BLOC1S3: variants seen among roughly 807,000 people sequenced by gnomAD.
The protein encoded by BLOC1S3 is biogenesis of lysosomal organelles complex 1 subunit 3.
Under a neutral mutation model 9.1 loss-of-function variants are expected in BLOC1S3, and 7 were observed. The ratio of observed to expected loss-of-function variants is 0.77; its 90% CI spans 0.44 to 1.45. BLOC1S3 has a LOEUF of 1.45. Ranked by LOEUF, BLOC1S3 falls within the 40% of genes most tolerant of loss-of-function variation. The probability of loss-of-function intolerance (pLI) is 0.01; values close to 1 mark genes in which losing one functional copy is unlikely to be tolerated. For synonymous variants in BLOC1S3, 145 were observed against 158.4 expected, an observed-to-expected ratio of 0.92 and a Z score of 0.64; for missense variants, 307 against 315.2, an observed-to-expected ratio of 0.97 and a Z score of 0.20.
Position 45,179,501 on chromosome 19 carries a change from C to G in BLOC1S3, c.205C>G (p.Pro69Ala). 1 of 1,523,626 alleles carries G rather than the reference C, an allele frequency of 6.6e-7. No homozygotes were observed. The highest frequency in any genetic ancestry group is 1.2e-5 in the South Asian group (1 of 82,774). The allele number at this position is 1,523,626 out of a possible 1,614,324, so 94.4% of individuals were successfully genotyped here. A position where few individuals can be genotyped will look rare whatever the true frequency, so the allele number is the denominator to read the frequency against. The change falls in exon 2 of 2, where the codon CCG (proline) becomes GCG (alanine). Residue 69 changes from proline (P) to alanine (A), a missense_variant. By Grantham distance (27) the Pro-to-Ala change is conservative. Coordinates refer to ENST00000433642, the MANE Select transcript of BLOC1S3 (RefSeq NM_212550.5). This position sits in a 1 kb window ranked among gnomAD's most constrained non-coding sequence, Gnocchi z 4.6. ...EAAETDSEPE[P>A]EPEPTAAPRD... The stretch of plus-strand genomic sequence containing the variant: ...CGCGGAGACCGACTCGGAGCCGGAG[C>G]CGGAGCCGGAACCGACGGCCGCGCC...
At chr19:45,201,933 G>A (rs2627646) in intron 2 of BLOC1S3, among the ~76,000 whole-genome samples, 17,036 of 152,018 alleles carry the variant, frequency 0.11, 1,224 homozygotes, top group African/African-American at 0.2. Context: ...CATGTAAGAC[G>A]TGCCTTTTGG....
chr19:45,213,427 A>G, intron 3 of BLOC1S3: 1 of 1,555,302 alleles, frequency 6.4e-7, no homozygotes. Flanking sequence ...CCAGCCGTGG[A>G]CCCCACCTGA....
intron 3 of BLOC1S3, chr19:45,216,016 G>A: frequency 6.3e-7 from 1 of 1,599,746 alleles, no homozygotes; most frequent in South Asian, 1.1e-5. Flanking sequence ...GGATGCCAAG[G>A]CCGCCAGGAG....
At chr19:45,202,013 G>T (rs1299979279) in intron 2 of BLOC1S3, among the ~76,000 whole-genome samples, 1 of 151,850 alleles carries the variant, frequency 6.6e-6, no homozygotes, top group African/African-American at 2.4e-5. Flanking sequence ...CATGAGGTCA[G>T]GAGATCGAGA....
chr19:45,214,261 C>T (rs1189648364), intron 3 of BLOC1S3, among the ~76,000 whole-genome samples: 2 of 152,120 alleles, frequency 1.3e-5, no homozygotes. Context: ...ACCCTCAGTG[C>T]TGAAACTGAA....
In BLOC1S3 at chr19:45,180,575, G is replaced by T; in HGVS notation, c.*670G>T. 6.0e-6 allele frequency: 1 copy of T among 166,984 alleles called. No individual in the cohort carries two copies. The highest frequency in any genetic ancestry group is 2.1e-4 in the South Asian group (1 of 4,862). The allele number at this position is 166,984 out of a possible 1,614,324, so 10.3% of individuals were successfully genotyped here. ...ACACTGGGCTCTGCTCTGCCTTTCT[G>T]AGTTTGGTTTCTGCTTATGGTGGGG... On this transcript the variant is annotated 3_prime_UTR_variant, in exon 2 of 2. Transcript: ENST00000433642.
intron 2 of BLOC1S3, chr19:45,187,760 A>G (rs556881950): frequency 1.3e-5 from 2 of 152,228 alleles, no homozygotes; most frequent in African/African-American, 4.8e-5. Flanking sequence ...TCACTTGGGT[A>G]CCTGTGGGGG....
intron 2 of BLOC1S3, among the ~76,000 whole-genome samples, chr19:45,197,087 G>A (rs1044895941): frequency 4.6e-5 from 7 of 151,676 alleles, no homozygotes; most frequent in Non-Finnish European, 8.8e-5. Flanking sequence ...TGGGAGTGGA[G>A]GGGGCTGAGG....
chr19:45,204,357 A>T (rs1388028284), intron 3 of BLOC1S3, among the ~76,000 whole-genome samples: 1 of 150,754 alleles, frequency 6.6e-6, no homozygotes, highest in Non-Finnish European at 1.5e-5. Flanking sequence ...GCCCCAGCTA[A>T]TTTTTTTGTA....
intron 2 of BLOC1S3, chr19:45,199,118 A>T (rs1969670573): frequency 6.6e-6 from 1 of 152,062 alleles, no homozygotes; most frequent in African/African-American, 2.4e-5. Flanking sequence ...CTTTGGGTTA[A>T]ATCTGCCTAG....
intron 2 of BLOC1S3, among the ~76,000 whole-genome samples, chr19:45,192,379 C>T (rs554706013): frequency 7.2e-5 from 11 of 152,290 alleles, no homozygotes; most frequent in Non-Finnish European, 1.2e-4. Context: ...GGCCTGGAAT[C>T]AGGGACCCCC....
At chr19:45,205,269 A>G in intron 3 of BLOC1S3, among the ~76,000 whole-genome samples, 1 of 151,598 alleles carries the variant, frequency 6.6e-6, no homozygotes, top group Non-Finnish European at 1.5e-5. Context: ...GGGTTCAAGC[A>G]ATTCTCCTGC....
At position 45,196,898 on chromosome 19, in the gene BLOC1S3, C is replaced by A. The variant is rs1397011602; in HGVS notation, n.181-5508C>A. Reference sequence around the variant, plus strand: ...CCTGGGCAACAGAGCAAGACTGTCTCAAAAAAAAAAAAAATCAATTTTAGG... The same window carrying A: ...CCTGGGCAACAGAGCAAGACTGTCTAAAAAAAAAAAAAAATCAATTTTAGG... On this transcript the variant is annotated intron_variant and non_coding_transcript_variant, in intron 2 of 3. Coordinates refer to the BLOC1S3 transcript ENST00000591569. 5.5e-4 allele frequency among the ~76,000 whole-genome samples: 76 copies of A among 136,970 alleles called. 1 individual carries two copies. The highest frequency in any genetic ancestry group is 6.1e-4 in the Non-Finnish European group (39 of 63,580). The allele number at this position is 136,970 out of a possible 152,430, so 89.9% of individuals were successfully genotyped here.
chr19:45,209,935 T>C (rs1969755716), intron 3 of BLOC1S3, among the ~76,000 whole-genome samples: 1 of 151,772 alleles, frequency 6.6e-6, no homozygotes, highest in Non-Finnish European at 1.5e-5. Flanking sequence ...TTTCACTGTG[T>C]TAGCCAGGAT....
intron 3 of BLOC1S3, among the ~76,000 whole-genome samples, chr19:45,203,433 C>T (rs1009758519): frequency 6.6e-6 from 1 of 152,074 alleles, no homozygotes; most frequent in Non-Finnish European, 1.5e-5. Flanking sequence ...GCCACCATTC[C>T]CAGCTAATTT....
intron 2 of BLOC1S3, among the ~76,000 whole-genome samples, chr19:45,193,797 TTTG>T (rs1002662287): frequency 1.1e-5 from 1 of 91,484 alleles, no homozygotes; most frequent in African/African-American, 4.2e-5. Flanking sequence ...CTGTTTTTTT[TTTG>T]TTGTTGTTGT....
intron 2 of BLOC1S3, among the ~76,000 whole-genome samples, chr19:45,199,309 CTTTTTTTTTTTTTTTTTT>C (rs34967306): frequency 0.15 from 11,469 of 74,302 alleles, 940 homozygotes; most frequent in Middle Eastern, 0.24. Context: ...GTGCCTTATT[CTTTTTTTTTTTTTTTTTT>C]TTTTTTTGAG....
chr19:45,188,682 C>T (rs955238165), intron 2 of BLOC1S3, among the ~76,000 whole-genome samples: 7 of 151,528 alleles, frequency 4.6e-5, no homozygotes, highest in African/African-American at 1.7e-4. Context: ...AAGCAATTCT[C>T]CTGCCTCAGC....
At chr19:45,216,019 G>C in intron 3 of BLOC1S3, 8 of 1,602,184 alleles carry the variant, frequency 5.0e-6, no homozygotes, top group Non-Finnish European at 6.8e-6. Flanking sequence ...TGCCAAGGCC[G>C]CCAGGAGACC....
Sources: allele counts gnomAD v4.1 joint callset (sites outside exome capture counted in the v4.1 genomes callset), GRCh38; gene constraint gnomAD v4.1.1; non-coding constraint Gnocchi (gnomAD v3.1); transcripts MANE v1.5; gene names NCBI Gene and HGNC (gene_info 2026-07-23, HGNC 2026-07-21).